Variants in DLG2 observed in about 807,000 individuals in gnomAD.
DLG2 encodes the protein discs large MAGUK scaffold protein 2, also known as disks large homolog 2.
Under a neutral mutation model 132.5 loss-of-function variants are expected in DLG2, and 45 were observed. The ratio of observed to expected loss-of-function variants is 0.34; its 90% CI spans 0.27 to 0.44. The LOEUF is 0.44. Ranked by LOEUF, DLG2 falls within the 20% of genes least tolerant of loss-of-function variation. DLG2 has a pLI of 1.00. For missense variants in DLG2, 1,045 were observed against 1,196.9 expected, an observed-to-expected ratio of 0.87 and a Z score of 1.87; for synonymous variants, 424 against 419.6, an observed-to-expected ratio of 1.01 and a Z score of -0.13.
At chr11:85,085,610 TAGACTA>T (rs1036891265) in intron 6 of DLG2, among the ~76,000 whole-genome samples, 2 of 152,260 alleles carry the variant, frequency 1.3e-5, no homozygotes, top group African/African-American at 2.4e-5. Flanking sequence ...AGAAAAGAAC[TAGACTA>T]AGACTATCAT....
intron 7 of DLG2, among the ~76,000 whole-genome samples, chr11:84,344,438 T>C (rs1378678749): frequency 6.6e-6 from 1 of 152,188 alleles, no homozygotes; most frequent in Non-Finnish European, 1.5e-5. Flanking sequence ...TTAACTCTCA[T>C]GACTACCCTT....
chr11:85,000,963 G>A (rs688329), intron 6 of DLG2, among the ~76,000 whole-genome samples: 104,093 of 152,032 alleles, frequency 0.68, 36,811 homozygotes, highest in East Asian at 0.92. Flanking sequence ...CTGGAACACT[G>A]TATTGAGAAT....
intron 6 of DLG2, among the ~76,000 whole-genome samples, chr11:84,747,568 A>G (rs1276265348): frequency 6.6e-6 from 1 of 152,200 alleles, no homozygotes; most frequent in East Asian, 1.9e-4. Flanking sequence ...TAGTTAACAT[A>G]TTGAATTGCT....
chr11:84,305,079 G>C (rs2098200867), intron 7 of DLG2, among the ~76,000 whole-genome samples: 1 of 152,162 alleles, frequency 6.6e-6, no homozygotes, highest in Non-Finnish European at 1.5e-5. Context: ...AAAATAGTGT[G>C]TTGAAAACAT....
At chr11:85,438,543 T>A (rs1186736731) in intron 3 of DLG2, among the ~76,000 whole-genome samples, 1 of 152,150 alleles carries the variant, frequency 6.6e-6, no homozygotes, top group African/African-American at 2.4e-5. Context: ...TACAGAGATA[T>A]CTTATACACT....
At chr11:84,009,837 A>G (rs541514626) in intron 11 of DLG2, among the ~76,000 whole-genome samples, 1 of 152,150 alleles carries the variant, frequency 6.6e-6, no homozygotes, top group Non-Finnish European at 1.5e-5. Context: ...AATAAAACCA[A>G]TGAGGCAGGT....
intron 3 of DLG2, among the ~76,000 whole-genome samples, chr11:85,469,014 C>T (rs1202818092): frequency 6.6e-6 from 1 of 152,160 alleles, no homozygotes; most frequent in Non-Finnish European, 1.5e-5. Flanking sequence ...TTTATTACTC[C>T]ATTCAATATA....
intron 6 of DLG2, among the ~76,000 whole-genome samples, chr11:84,566,920 A>T (rs1039658075): frequency 6.6e-6 from 1 of 152,176 alleles, no homozygotes; most frequent in African/African-American, 2.4e-5. Flanking sequence ...TTTCTTAATT[A>T]TACAAAATGA....
chr11:85,356,076 A>G (rs186787326), intron 3 of DLG2, among the ~76,000 whole-genome samples: 16 of 152,316 alleles, frequency 1.1e-4, no homozygotes, highest in African/African-American at 3.1e-4. Flanking sequence ...TGAACTATCC[A>G]TTTAATCAGA....
chr11:84,316,190 T>C (rs1437455715), intron 7 of DLG2, among the ~76,000 whole-genome samples: 1 of 152,214 alleles, frequency 6.6e-6, no homozygotes, highest in African/African-American at 2.4e-5. Context: ...AAGAGAGCTA[T>C]AGATGTTGAT....
intron 6 of DLG2, among the ~76,000 whole-genome samples, chr11:84,744,162 GAAC>G (rs796782598): frequency 2.0e-5 from 3 of 152,068 alleles, no homozygotes; most frequent in South Asian, 2.1e-4. Flanking sequence ...GAAGAGCCCT[GAAC>G]AACAACAACA....
At chr11:84,097,755 G>T (rs1275558255) in intron 10 of DLG2, among the ~76,000 whole-genome samples, 1 of 152,090 alleles carries the variant, frequency 6.6e-6, no homozygotes. Flanking sequence ...ATATGTAACT[G>T]CTTGGCCTGA....
At chr11:84,335,188 G>GGGGAA (rs2098478448) in intron 7 of DLG2, among the ~76,000 whole-genome samples, 2 of 140,548 alleles carry the variant, frequency 1.4e-5, no homozygotes, top group African/African-American at 5.3e-5. Context: ...AAGGAAGGAA[G>GGGGAA]GGGAAGGGAA....
intron 3 of DLG2, among the ~76,000 whole-genome samples, chr11:85,436,656 G>A (rs1404214294): frequency 6.6e-6 from 1 of 152,118 alleles, no homozygotes; most frequent in East Asian, 1.9e-4. Context: ...GGAAACAACG[G>A]ATAATGGTGA....
chr11:84,296,752 TGA>T (rs945581662), intron 7 of DLG2, among the ~76,000 whole-genome samples: 1 of 151,150 alleles, frequency 6.6e-6, no homozygotes, highest in Non-Finnish European at 1.5e-5. Context: ...TATTTCAACT[TGA>T]GAGAGAGAGA....
At chr11:84,588,520 A>G (rs2099535106) in intron 6 of DLG2, among the ~76,000 whole-genome samples, 1 of 152,094 alleles carries the variant, frequency 6.6e-6, no homozygotes, top group African/African-American at 2.4e-5. Context: ...GACACACTCA[A>G]CCTAAGTTTA....
At chr11:84,050,799 G>C (rs1447672321) in intron 11 of DLG2, among the ~76,000 whole-genome samples, 1 of 151,828 alleles carries the variant, frequency 6.6e-6, no homozygotes, top group Admixed American at 6.6e-5. Flanking sequence ...TCTTGTTTTT[G>C]TCAGGTTTGT....
At chr11:85,486,545 C>G (rs2093433654) in intron 3 of DLG2, among the ~76,000 whole-genome samples, 1 of 152,154 alleles carries the variant, frequency 6.6e-6, no homozygotes, top group Non-Finnish European at 1.5e-5. Context: ...AGTCTACCAC[C>G]ATTGGCACCT....
At chr11:84,794,858 G>A (rs2074351080) in intron 6 of DLG2, among the ~76,000 whole-genome samples, 2 of 152,228 alleles carry the variant, frequency 1.3e-5, no homozygotes, top group Admixed American at 1.3e-4. Flanking sequence ...ATGCCGAGGT[G>A]GGGCTGAGGG....
Sources: allele counts gnomAD v4.1 joint callset (sites outside exome capture counted in the v4.1 genomes callset), GRCh38; gene constraint gnomAD v4.1.1; transcripts MANE v1.5; gene names NCBI Gene and HGNC (gene_info 2026-07-23, HGNC 2026-07-21).